PPM1F: variants seen among roughly 807,000 people sequenced by gnomAD.
PPM1F encodes the protein protein phosphatase, Mg2+/Mn2+ dependent 1F.
Under a neutral mutation model 35.5 loss-of-function variants are expected in PPM1F, and 17 were observed. The observed-to-expected ratio is 0.48, with a 90% CI of 0.33 to 0.72. PPM1F has a LOEUF of 0.72. Ranked by LOEUF, PPM1F falls within the 30% of genes least tolerant of loss-of-function variation. PPM1F has a pLI of 0.02. For missense variants in PPM1F, 521 were observed against 613.0 expected (o/e 0.85, Z 1.59); for synonymous variants, 241 against 255.5 (o/e 0.94, Z 0.54).
intron 1 of PPM1F, chr22:21,947,088 C>T (rs2070784244): frequency 6.6e-6 from 1 of 152,380 alleles, no homozygotes; most frequent in East Asian, 1.9e-4. Flanking sequence ...TCACCGGCTT[C>T]TCTCTCACTG....
At chr22:21,938,075 C>T in intron 3 of PPM1F, 2 of 1,277,286 alleles carry the variant, frequency 1.6e-6, no homozygotes, top group Admixed American at 2.4e-5. Context: ...GCATGCGAGG[C>T]ACTCTGACAG....
intron 6 of PPM1F, among the ~76,000 whole-genome samples, chr22:21,926,277 G>A (rs1268936050): frequency 6.6e-6 from 1 of 151,930 alleles, no homozygotes; most frequent in Non-Finnish European, 1.5e-5. Flanking sequence ...GACTACAGGG[G>A]CGTGCCACCA....
In PPM1F at chr22:21,939,657, G is replaced by A. The variant is rs376022548; in HGVS notation, c.230C>T (p.Ala77Val). 108 of 1,553,974 alleles carry A rather than the reference G, an allele frequency of 6.9e-5. No individual in the cohort carries two copies. Among genetic ancestry groups the A allele is most frequent in the Admixed American group, 9.8e-5 (5 of 51,140 alleles). The change falls in exon 3 of 8, where the codon GCT (alanine) becomes GTT (valine). Residue 77 changes from alanine (A) to valine (V), a missense_variant. Physicochemically the swap from Ala to Val is moderately conservative, Grantham distance 64. Around this residue, in one of 3 missense-constraint regions of PPM1F, gnomAD observed 311 missense variants for 351.5 expected, o/e 0.88. Coordinates refer to ENST00000263212, the MANE Select transcript of PPM1F (RefSeq NM_014634.4). The surrounding 1 kb of genome is among the most constrained non-coding windows in gnomAD (Gnocchi z 5.1). ...TGAAACTGCTTCGTGGGCCAGAGCA[G>A]CAGCAAGTGGTGGCGGGGCCTTCCT... ...GSRKAPPPLA[A>V]ALAHEAVSQL...
intron 2 of PPM1F, chr22:21,945,580 T>TGA (rs1479944281): frequency 6.1e-6 from 3 of 491,134 alleles, no homozygotes; most frequent in Non-Finnish European, 1.1e-5. Flanking sequence ...CTGCAGCCTT[T>TGA]GAGAGAGCAT....
chr22:21,925,689 G>T (rs773692651), intron 6 of PPM1F, 27 bp from the exon 7 acceptor site: 2 of 1,550,026 alleles, frequency 1.3e-6, no homozygotes. Flanking sequence ...AGAGTTGGGG[G>T]CAGGGCCGGG....
At position 21,923,396 on chromosome 22, in the gene PPM1F, T is replaced by C; in HGVS notation, c.1061A>G (p.Tyr354Cys). The C allele has an allele frequency of 1.2e-6, 2 of 1,613,712 alleles. No individual in the cohort carries two copies. The highest frequency in any genetic ancestry group is 1.7e-6 in the Non-Finnish European group (2 of 1,179,948). The change falls in exon 8 of 8, where the codon TAC becomes TGC. Residue 354 changes from tyrosine (Y) to cysteine (C), a missense_variant. Tyr to Cys is a radical substitution (Grantham distance 194, BLOSUM62 -2). Transcript: ENST00000263212. The stretch of plus-strand genomic sequence containing the variant: ...GAAGCCATCACAGGCAAGCAGCAGG[T>C]AGTCCTCGGAGCCCGTCAGCGCCCG... ...ASRALTGSED[Y>C]LLLACDGFFD... is the part of the protein sequence containing the mutation.
At chr22:21,936,568 T>A (rs1424283877) in intron 3 of PPM1F, 1 of 152,270 alleles carries the variant, frequency 6.6e-6, no homozygotes, top group Non-Finnish European at 1.5e-5. Context: ...TGACTGCGTG[T>A]GCTTCAGGTG....
intron 3 of PPM1F, chr22:21,936,119 C>T (rs1357131793): frequency 1.3e-5 from 2 of 152,150 alleles, no homozygotes; most frequent in African/African-American, 2.4e-5. Context: ...CGGCGATCTC[C>T]GATTACACCA....
In PPM1F at chr22:21,945,696, C is replaced by T. The variant is rs111714370; in HGVS notation, c.206+147G>A. ...GTGTGGTGCTTTGCCATAGCAGCCACGGGAGTTCCACATGGTGCTGCATAG... is the reference window on the plus strand; with the variant it reads ...GTGTGGTGCTTTGCCATAGCAGCCATGGGAGTTCCACATGGTGCTGCATAG... On this transcript the variant is annotated intron_variant, in intron 2 of 7. Transcript: ENST00000263212. 3.7e-5 allele frequency: 28 copies of T among 752,518 alleles called. 1 individual carries two copies. Among genetic ancestry groups the T allele is most frequent in the African/African-American group, 1.8e-4 (10 of 56,004 alleles). The allele number at this position is 752,518 out of a possible 1,614,324, so 46.6% of individuals were successfully genotyped here. A position where few individuals can be genotyped will look rare whatever the true frequency, so the allele number is the denominator to read the frequency against.
intron 5 of PPM1F, among the ~76,000 whole-genome samples, chr22:21,932,417 C>T (rs1357992167): frequency 6.6e-6 from 1 of 152,182 alleles, no homozygotes; most frequent in African/African-American, 2.4e-5. Flanking sequence ...GCATGGTTTT[C>T]TATTGAGATG....
intron 1 of PPM1F, chr22:21,948,909 TG>T (rs959533264): frequency 3.3e-5 from 5 of 152,510 alleles, no homozygotes; most frequent in African/African-American, 1.2e-4. Flanking sequence ...CTGGACCTTT[TG>T]GGATGCAGGT....
chr22:21,944,380 T>C (rs62234966), intron 2 of PPM1F: 16,077 of 152,102 alleles, frequency 0.11, 917 homozygotes, highest in Non-Finnish European at 0.12. Flanking sequence ...GGGCCTGGGG[T>C]CAAGGAAAAT....
Position 21,929,235 on chromosome 22 carries a change from C to T in PPM1F, c.891+1913G>A, listed in dbSNP as rs2070558511. ...AGGATCACAGCAGGAGGGGCCAAGC[C>T]TACAGAGCATGGCGGCAGGAAAGGG... On this transcript the variant is annotated intron_variant, in intron 6 of 7. Transcript: ENST00000263212. 2.0e-5 allele frequency among the ~76,000 whole-genome samples: 3 copies of T among 152,142 alleles called. No individual in the cohort carries two copies. The South Asian group carries it at 6.2e-4, about 31-fold the overall frequency.
chr22:21,934,244 G>A lies in PPM1F; in HGVS notation c.356-18C>T. On this transcript the variant is annotated intron_variant, in intron 3 of 7. Coordinates refer to ENST00000263212, the MANE Select transcript of PPM1F (RefSeq NM_014634.4). ...ATCCAGCACTGATGGGCACAATGGA[G>A]GGATTGTCAGGGAAGTGCCAACCAA... 1 of 1,542,004 alleles carries A rather than the reference G, an allele frequency of 6.5e-7. No homozygotes were observed. Among genetic ancestry groups the A allele is most frequent in the Non-Finnish European group, 8.8e-7 (1 of 1,137,252 alleles).
chr22:21,929,513 C>CATT (rs2070562939), intron 6 of PPM1F, among the ~76,000 whole-genome samples: 6 of 152,224 alleles, frequency 3.9e-5, no homozygotes, highest in Non-Finnish European at 7.3e-5. Flanking sequence ...AGTGTTTGAA[C>CATT]AGAGCCCCCA....
intron 6 of PPM1F, chr22:21,926,176 G>A (rs565321364): frequency 6.9e-6 from 1 of 144,230 alleles, no homozygotes; most frequent in South Asian, 2.2e-4. Flanking sequence ...TCTGTCACCT[G>A]GCTGGAGTGA....
intron 3 of PPM1F, chr22:21,938,106 G>C (rs2070680834): frequency 1.4e-5 from 18 of 1,296,564 alleles, no homozygotes; most frequent in Admixed American, 2.3e-5. Context: ...AAGGGCAGGC[G>C]AGACTTCCTT....
intron 1 of PPM1F, chr22:21,951,962 C>T (rs1051759384): frequency 6.6e-6 from 1 of 152,244 alleles, no homozygotes; most frequent in Non-Finnish European, 1.5e-5. Context: ...GCTGGCCGGC[C>T]CCACTTTCTA....
At chr22:21,935,185 GAATGAACTCCT>G (rs1476862208) in intron 3 of PPM1F, 1 of 152,226 alleles carries the variant, frequency 6.6e-6, no homozygotes, top group Non-Finnish European at 1.5e-5. Context: ...GAATGGCAAA[GAATGAACTCCT>G]GATGCATCAA....
Sources: gnomAD v4.1 joint callset for allele counts (sites outside exome capture counted in the v4.1 genomes callset) on GRCh38, gnomAD v4.1.1 for gene constraint, gnomAD v4.1.1 regional missense constraint, Gnocchi (gnomAD v3.1) non-coding constraint, MANE v1.5 for transcripts, NCBI Gene and HGNC (gene_info 2026-07-23, HGNC 2026-07-21) for gene names.